The following YY1 variants were observed in gnomAD, a reference collection of about 807,000 sequenced individuals.
YY1 encodes YY1 transcription factor.
Under a neutral mutation model 35.6 loss-of-function variants are expected in YY1, and 2 were observed. The observed-to-expected ratio is 0.06, with a 90% CI of 0.02 to 0.18. The LOEUF is 0.18. Ranked by LOEUF, YY1 falls within the 10% of genes least tolerant of loss-of-function variation. YY1 has a pLI of 1.00. For missense variants in YY1, 322 were observed against 573.4 expected (o/e 0.56, Z 4.48); for synonymous variants, 268 against 238.9 (o/e 1.12, Z -1.12).
At chr14:100,240,580 C>G (rs902555515) in intron 1 of YY1, among the ~76,000 whole-genome samples, 3 of 152,156 alleles carry the variant, frequency 2.0e-5, no homozygotes, top group Admixed American at 1.3e-4. Context: ...GGGCTGGACC[C>G]TGCCCCGGCG....
chr14:100,257,564 A>C (rs1441086134), intron 1 of YY1, among the ~76,000 whole-genome samples: 1 of 150,674 alleles, frequency 6.6e-6, no homozygotes, highest in African/African-American at 2.5e-5. Context: ...GCATGGGATT[A>C]GTGCCCTATA....
intron 2 of YY1, among the ~76,000 whole-genome samples, chr14:100,272,964 T>TTTTG (rs572187842): frequency 1.7e-4 from 20 of 115,554 alleles, no homozygotes; most frequent in African/African-American, 5.5e-4. Flanking sequence ...GTTTTTTTTT[T>TTTTG]GTTTTTTTTT....
chr14:100,265,116 G>C (rs758776481), intron 2 of YY1, among the ~76,000 whole-genome samples: 2 of 152,028 alleles, frequency 1.3e-5, no homozygotes, highest in Admixed American at 1.3e-4. Context: ...GGTGGCTCAC[G>C]CCTGTAATCC....
chr14:100,256,843 G>A (rs915684353), intron 1 of YY1, among the ~76,000 whole-genome samples: 2 of 151,042 alleles, frequency 1.3e-5, no homozygotes, highest in African/African-American at 4.9e-5. Flanking sequence ...AAGTATTATG[G>A]TAATGTATAT....
At chr14:100,267,018 T>C (rs1015501301) in intron 2 of YY1, among the ~76,000 whole-genome samples, 2 of 152,126 alleles carry the variant, frequency 1.3e-5, no homozygotes, top group African/African-American at 2.4e-5. Flanking sequence ...CCATTTAGAA[T>C]AGAAAGTTGG....
In YY1 at chr14:100,239,157, CCT is replaced by C; in HGVS notation, c.-87_-86del. 1 of 1,228,604 alleles carries C rather than the reference CCT, an allele frequency of 8.1e-7. No homozygotes were observed. The highest frequency in any genetic ancestry group is 1.0e-6 in the Non-Finnish European group (1 of 984,128). 76.1% of individuals were successfully genotyped at this position (1,228,604 alleles called of 1,614,324 possible). A position where few individuals can be genotyped will look rare whatever the true frequency, so the allele number is the denominator to read the frequency against. ...CTCGCCGCCTTCCTCCCTCTGCCTT[CCT>C]TCCCCACGGCCGGCCGCCTCCTCGC... On this transcript the variant is annotated 5_prime_UTR_variant, in exon 1 of 5. Transcript: ENST00000262238.
At chr14:100,243,291 G>A (rs1268097942) in intron 1 of YY1, among the ~76,000 whole-genome samples, 1 of 152,188 alleles carries the variant, frequency 6.6e-6, no homozygotes, top group Non-Finnish European at 1.5e-5. Flanking sequence ...TACTGCTTTC[G>A]TGTACTTGAT....
At chr14:100,242,012 A>G (rs910718032) in intron 1 of YY1, among the ~76,000 whole-genome samples, 2 of 148,772 alleles carry the variant, frequency 1.3e-5, no homozygotes, top group African/African-American at 4.9e-5. Context: ...GTTAATACCA[A>G]TGAGTAAGGG....
At chr14:100,266,662 C>T (rs1316955636) in intron 2 of YY1, among the ~76,000 whole-genome samples, 1 of 152,020 alleles carries the variant, frequency 6.6e-6, no homozygotes, top group Non-Finnish European at 1.5e-5. Context: ...AACACCAGGG[C>T]TGAAGAACCC....
chr14:100,267,477 C>T (rs1420230835), intron 2 of YY1, among the ~76,000 whole-genome samples: 1 of 151,696 alleles, frequency 6.6e-6, no homozygotes, highest in East Asian at 1.9e-4. Context: ...GAGTTTGGGC[C>T]CTGTGAGGTG....
intron 1 of YY1, among the ~76,000 whole-genome samples, chr14:100,254,504 C>G (rs975146914): frequency 2.6e-5 from 4 of 152,248 alleles, no homozygotes; most frequent in African/African-American, 9.6e-5. Flanking sequence ...GTCGCCCAGG[C>G]TGGAGTGCAG....
chr14:100,277,184 A>G lies in YY1; in HGVS notation c.1063-234A>G. ...CTAGGACTCTAGCCTGCATTTAGGAAGACTTGCCATTTTGCCAAGTGTTTT... is the reference window on the plus strand; with the variant it reads ...CTAGGACTCTAGCCTGCATTTAGGAGGACTTGCCATTTTGCCAAGTGTTTT... On this transcript the variant is annotated intron_variant, in intron 4 of 4. Coordinates refer to ENST00000262238, the MANE Select transcript of YY1 (RefSeq NM_003403.5). This position sits in a 1 kb window ranked among gnomAD's most constrained non-coding sequence, Gnocchi z 5.6. 5.1e-6 allele frequency: 3 copies of G among 593,008 alleles called. No individual in the cohort carries two copies. Among genetic ancestry groups the G allele is most frequent in the Non-Finnish European group, 9.0e-6 (3 of 332,702 alleles). The allele number at this position is 593,008 out of a possible 1,614,324, so 36.7% of individuals were successfully genotyped here.
At chr14:100,261,834 A>G (rs1275896744) in intron 1 of YY1, among the ~76,000 whole-genome samples, 1 of 152,122 alleles carries the variant, frequency 6.6e-6, no homozygotes, top group East Asian at 1.9e-4. Flanking sequence ...TTGCCAGGAA[A>G]TGTGTGTGGT....
At chr14:100,240,055 T>TGCGGCGGCGGGGGCGCGGCGGCGGGGGC (rs1214687019) in intron 1 of YY1, 132 bp downstream of exon 1, 1 of 638,486 alleles carries the variant, frequency 1.6e-6, no homozygotes, top group East Asian at 4.7e-5. Flanking sequence ...TGGCGGGCCG[T>TGCGGCGGCGGGGGCGCGGCGGCGGGGGC]GCGGCGGCGG....
chr14:100,252,239 G>T (rs982008773), intron 1 of YY1, among the ~76,000 whole-genome samples: 1 of 152,098 alleles, frequency 6.6e-6, no homozygotes, highest in East Asian at 1.9e-4. Flanking sequence ...CTGGAAATTG[G>T]AGTCTACAAA....
rs188279906 is a variant in YY1 at position 100,241,779 on chromosome 14, A to G, written c.679+1856A>G. Among the ~76,000 whole-genome samples the G allele has an allele frequency of 3.3e-5, 5 of 152,302 alleles. No homozygotes were observed. The East Asian group carries it at 5.8e-4, about 18-fold the overall frequency. On this transcript the variant is annotated intron_variant, in intron 1 of 4. Transcript: ENST00000262238. ...CACTTGAAGTCTGGAGTTCGAGACC[A>G]GCTGGCCATCATAGTGAAACCCCAT...
chr14:100,251,870 C>T (rs1204945790), intron 1 of YY1, among the ~76,000 whole-genome samples: 1 of 152,130 alleles, frequency 6.6e-6, no homozygotes, highest in African/African-American at 2.4e-5. Context: ...TCAAGAGATC[C>T]TCCTGCCTCG....
chr14:100,247,280 C>T (rs1411984723), intron 1 of YY1, among the ~76,000 whole-genome samples: 4 of 151,974 alleles, frequency 2.6e-5, no homozygotes, highest in African/African-American at 9.7e-5. Context: ...TATTTGCATT[C>T]TTTTATTTAA....
chr14:100,273,794 AC>A (rs1394708074), intron 2 of YY1, among the ~76,000 whole-genome samples: 1 of 151,796 alleles, frequency 6.6e-6, no homozygotes, highest in Non-Finnish European at 1.5e-5. Context: ...TTAATTTCTC[AC>A]CCCCCTACCA....
Sources: allele counts gnomAD v4.1 joint callset (sites outside exome capture counted in the v4.1 genomes callset), GRCh38; gene constraint gnomAD v4.1.1; non-coding constraint Gnocchi (gnomAD v3.1); transcripts MANE v1.5; gene names NCBI Gene and HGNC (gene_info 2026-07-23, HGNC 2026-07-21).